SCN10A: variants seen among roughly 807,000 people sequenced by gnomAD.
SCN10A encodes sodium channel protein type 10 subunit alpha.
SCN10A carries 162 observed loss-of-function variants against 170.7 expected under a neutral mutation model. The ratio of observed to expected loss-of-function variants is 0.95; its 90% CI spans 0.84 to 1.08. The LOEUF (loss-of-function observed/expected upper bound fraction) is 1.08. SCN10A is among the 50% of genes least tolerant of loss of function. The pLI is 0.00. For synonymous variants in SCN10A, 985 were observed against 904.6 expected, an observed-to-expected ratio of 1.09 and a Z score of -1.59; for missense variants, 2,527 against 2,436.9, an observed-to-expected ratio of 1.04 and a Z score of -0.78.
At chr3:38,716,282 T>C (rs1445767560) in intron 21 of SCN10A, among the ~76,000 whole-genome samples, 1 of 152,172 alleles carries the variant, frequency 6.6e-6, no homozygotes, top group Non-Finnish European at 1.5e-5. Context: ...CCAAATCTTA[T>C]CTTGAATTCC....
At chr3:38,720,057 A>G (rs896492296) in intron 20 of SCN10A, among the ~76,000 whole-genome samples, 5 of 152,220 alleles carry the variant, frequency 3.3e-5, no homozygotes, top group African/African-American at 1.2e-4. Context: ...TCAAGGTGGG[A>G]CAGCTCTTTG....
intron 14 of SCN10A, among the ~76,000 whole-genome samples, chr3:38,741,377 C>G (rs972848304): frequency 6.6e-6 from 1 of 152,072 alleles, no homozygotes; most frequent in Non-Finnish European, 1.5e-5. Flanking sequence ...GGCTTGGCAG[C>G]CGGTCTGTCT....
chr3:38,777,049 T>G (rs1008126870), intron 4 of SCN10A, among the ~76,000 whole-genome samples: 2 of 152,026 alleles, frequency 1.3e-5, no homozygotes, highest in Non-Finnish European at 2.9e-5. Context: ...ATTATGAGAC[T>G]CTCATAAACA....
rs568440721 is a variant in SCN10A, at chr3:38,706,502, C to T, written c.4386+777G>A. ...GGATGGCTCAGAAATTCTTTGAAGA[C>T]GATCAACAATAATTTCTGACACATC... is the stretch of plus-strand genomic sequence containing the variant. On this transcript the variant is annotated intron_variant, in intron 26 of 27. Transcript: ENST00000449082. 1.1e-4 allele frequency among the ~76,000 whole-genome samples: 16 copies of T among 152,282 alleles called. No individual in the cohort carries two copies. In the East Asian group the frequency reaches 1.4e-3, roughly 13 times the overall value.
intron 4 of SCN10A, among the ~76,000 whole-genome samples, chr3:38,784,189 TA>T (rs1398371856): frequency 6.6e-6 from 1 of 152,130 alleles, no homozygotes; most frequent in Non-Finnish European, 1.5e-5. Context: ...CCTGTATAGT[TA>T]GTGCTTCTTG....
intron 4 of SCN10A, among the ~76,000 whole-genome samples, chr3:38,783,156 CAATCTCCAACAT>C (rs2064159010): frequency 6.6e-6 from 1 of 152,040 alleles, no homozygotes; most frequent in Non-Finnish European, 1.5e-5. Context: ...CTTAGAGGCC[CAATCTCCAACAT>C]AGCAACATGG....
chr3:38,754,173 T>C (rs2063778568), intron 11 of SCN10A, among the ~76,000 whole-genome samples: 1 of 152,234 alleles, frequency 6.6e-6, no homozygotes, highest in African/African-American at 2.4e-5. Context: ...CTTCAATTAC[T>C]AGAAGAACCC....
intron 15 of SCN10A, among the ~76,000 whole-genome samples, chr3:38,730,563 T>A (rs1329744693): frequency 1.3e-5 from 2 of 152,160 alleles, no homozygotes; most frequent in African/African-American, 4.8e-5. Context: ...TTTCTTCAGA[T>A]GATAGAATTA....
intron 4 of SCN10A, among the ~76,000 whole-genome samples, chr3:38,780,261 A>G (rs2064123799): frequency 1.3e-5 from 2 of 151,936 alleles, no homozygotes; most frequent in South Asian, 4.1e-4. Flanking sequence ...TTTTTGACCG[A>G]GATTCCACTT....
At chr3:38,777,914 A>G (rs2064095214) in intron 4 of SCN10A, among the ~76,000 whole-genome samples, 1 of 152,098 alleles carries the variant, frequency 6.6e-6, no homozygotes, top group African/African-American at 2.4e-5. Flanking sequence ...ATTCTAGGAG[A>G]TTGAAATACC....
chr3:38,735,561 G>T (rs1035732438), intron 15 of SCN10A, among the ~76,000 whole-genome samples: 7 of 152,176 alleles, frequency 4.6e-5, no homozygotes, highest in Non-Finnish European at 2.9e-5. Flanking sequence ...TGTGTATGTG[G>T]GTATGTAACT....
At chr3:38,710,027 C>CA (rs1443050470) in intron 24 of SCN10A, among the ~76,000 whole-genome samples, 2 of 152,180 alleles carry the variant, frequency 1.3e-5, no homozygotes, top group Non-Finnish European at 2.9e-5. Flanking sequence ...AGTCTTTATA[C>CA]AGAGAATCAG....
chr3:38,712,751 C>G (rs867904190), intron 22 of SCN10A, among the ~76,000 whole-genome samples: 3 of 152,294 alleles, frequency 2.0e-5, no homozygotes, highest in South Asian at 4.1e-4. Context: ...CTTGCACATA[C>G]AGACTTCTAG....
chr3:38,744,459 T>C (rs571660279), intron 13 of SCN10A, among the ~76,000 whole-genome samples: 30 of 138,280 alleles, frequency 2.2e-4, no homozygotes, highest in African/African-American at 6.0e-4. Context: ...ATTTGTTTTC[T>C]TTTTTTTTCA....
intron 15 of SCN10A, among the ~76,000 whole-genome samples, chr3:38,738,169 C>T (rs571422766): frequency 7.1e-4 from 108 of 152,002 alleles, no homozygotes; most frequent in African/African-American, 2.5e-3. Context: ...TGGGCTCAAG[C>T]GATCTGCCTG....
chr3:38,748,282 C>T (rs1160998917), intron 13 of SCN10A, among the ~76,000 whole-genome samples: 1 of 152,028 alleles, frequency 6.6e-6, no homozygotes, highest in African/African-American at 2.4e-5. Flanking sequence ...GACTCTATTA[C>T]AATGAACAGT....
intron 4 of SCN10A, among the ~76,000 whole-genome samples, chr3:38,777,386 A>G (rs1406431679): frequency 6.6e-6 from 1 of 152,066 alleles, no homozygotes; most frequent in Non-Finnish European, 1.5e-5. Flanking sequence ...TCAATAGGGC[A>G]ACCAAAATTG....
At chr3:38,788,840 G>T (rs2064242636) in intron 4 of SCN10A, 116 bp downstream of exon 4, 1 of 683,144 alleles carries the variant, frequency 1.5e-6, no homozygotes, top group Non-Finnish European at 2.7e-6. Context: ...TAGACAATGA[G>T]ATTCAGCATT....
chr3:38,761,031 A>C (rs1004344887), intron 7 of SCN10A, among the ~76,000 whole-genome samples, 161 bp downstream of exon 7: 5 of 152,218 alleles, frequency 3.3e-5, no homozygotes, highest in Non-Finnish European at 7.3e-5. Context: ...CAGGAAATAG[A>C]ATACCCAAAA....
Sources: allele counts gnomAD v4.1 joint callset (sites outside exome capture counted in the v4.1 genomes callset), GRCh38; gene constraint gnomAD v4.1.1; transcripts MANE v1.5; gene names NCBI Gene and HGNC (gene_info 2026-07-23, HGNC 2026-07-21).